Variants in SDK1 observed in about 807,000 individuals in gnomAD.
SDK1 encodes protein sidekick-1.
In SDK1, 157 loss-of-function variants were observed where a neutral mutation model predicts 245.5. The ratio of observed to expected loss-of-function variants is 0.64; its 90% CI spans 0.56 to 0.73. The LOEUF is 0.73. SDK1 is among the 30% of genes least tolerant of loss of function. The pLI is 0.00. For synonymous variants in SDK1, 1,647 were observed against 1,278.5 expected, an observed-to-expected ratio of 1.29 and a Z score of -6.15; for missense variants, 3,583 against 3,002.3, an observed-to-expected ratio of 1.19 and a Z score of -4.52.
chr7:4,047,669 T>A (rs1163535289), intron 17 of SDK1, among the ~76,000 whole-genome samples: 2 of 152,226 alleles, frequency 1.3e-5, no homozygotes, highest in African/African-American at 4.8e-5. Flanking sequence ...TGGGTGAATT[T>A]CAGAATTTCC....
At chr7:4,214,097 A>G (rs1784656486) in intron 38 of SDK1, among the ~76,000 whole-genome samples, 1 of 152,192 alleles carries the variant, frequency 6.6e-6, no homozygotes. Flanking sequence ...CAGAGCCACA[A>G]AGACATTTGC....
chr7:4,066,693 G>A (rs1779924111), intron 19 of SDK1, among the ~76,000 whole-genome samples: 1 of 152,176 alleles, frequency 6.6e-6, no homozygotes, highest in Non-Finnish European at 1.5e-5. Flanking sequence ...GACCTGCTAT[G>A]GGAACACTAA....
In SDK1 at chr7:4,090,102, G is replaced by A. The variant is rs1331922269; in HGVS notation, c.3324+10518G>A. The stretch of plus-strand genomic sequence containing the variant: ...GGGCACCTCCTGCTACACCTTGTTG[G>A]GTTTGACTTGGCCTTGGCATGTCCC... On this transcript the variant is annotated intron_variant, in intron 22 of 44. Transcript: ENST00000404826. Among the ~76,000 whole-genome samples, 2 of 152,128 alleles carry A rather than the reference G, an allele frequency of 1.3e-5. 1 individual carries two copies. Among genetic ancestry groups the A allele is most frequent in the Admixed American group, 1.3e-4 (2 of 15,272 alleles).
chr7:4,144,713 G>C (rs1584281293), intron 28 of SDK1, among the ~76,000 whole-genome samples: 1 of 152,152 alleles, frequency 6.6e-6, no homozygotes, highest in South Asian at 2.1e-4. Flanking sequence ...GGGGCAAGCA[G>C]CGTGGGGTCG....
chr7:3,955,643 G>T (rs1781202730), intron 7 of SDK1, among the ~76,000 whole-genome samples: 1 of 152,310 alleles, frequency 6.6e-6, no homozygotes, highest in South Asian at 2.1e-4. Flanking sequence ...GGAAGGAACA[G>T]GGAGGCAGCG....
chr7:4,134,585 C>CA (rs1778928209), intron 28 of SDK1, among the ~76,000 whole-genome samples: 1 of 152,202 alleles, frequency 6.6e-6, no homozygotes, highest in Non-Finnish European at 1.5e-5. Flanking sequence ...GAAACATTGA[C>CA]AGAGTCACAG....
rs112613359 is a variant in SDK1 at position 3,578,989 on chromosome 7, T to C, written c.299-40091T>C. ...GGTGTAAGAAATTATAAGAGTATTA[T>C]TAGGGAAGTGATAAATGTCCTTGAA... On this transcript the variant is annotated intron_variant, in intron 1 of 44. Transcript: ENST00000404826. Among the ~76,000 whole-genome samples the C allele has an allele frequency of 3.7e-4, 57 of 152,086 alleles. 2 individuals are homozygous for C. Among genetic ancestry groups the C allele is most frequent in the African/African-American group, 9.1e-4 (38 of 41,536 alleles).
chr7:3,930,088 G>A (rs959051592), intron 5 of SDK1, among the ~76,000 whole-genome samples: 2 of 152,206 alleles, frequency 1.3e-5, no homozygotes, highest in Non-Finnish European at 2.9e-5. Flanking sequence ...AAGGCGCTGA[G>A]GTGATGTATG....
intron 17 of SDK1, 147 bp downstream of exon 17, chr7:4,017,499 G>A: frequency 1.6e-6 from 1 of 623,276 alleles, no homozygotes; most frequent in Non-Finnish European, 2.7e-6. Flanking sequence ...GTATTTAATG[G>A]GATCTCTCCA....
At chr7:3,446,788 T>A (rs1214826608) in intron 1 of SDK1, among the ~76,000 whole-genome samples, 1 of 152,186 alleles carries the variant, frequency 6.6e-6, no homozygotes, top group African/African-American at 2.4e-5. Flanking sequence ...AGGGTATTGT[T>A]TTAGCTGCAA....
chr7:3,968,089 G>A (rs1462759163), intron 10 of SDK1, among the ~76,000 whole-genome samples: 1 of 152,240 alleles, frequency 6.6e-6, no homozygotes, highest in Non-Finnish European at 1.5e-5. Context: ...AAGTCACTCT[G>A]CTAGCACTCA....
intron 4 of SDK1, among the ~76,000 whole-genome samples, chr7:3,769,081 CTT>C (rs1259447626): frequency 9.2e-5 from 14 of 152,094 alleles, no homozygotes; most frequent in Admixed American, 9.2e-4. Flanking sequence ...TTAAATAAGA[CTT>C]TTTATTTGGA....
rs57770805 is a variant in SDK1, at chr7:3,319,878, C to CTTTTTTT, written c.298+18005_298+18011dup. On this transcript the variant is annotated intron_variant, in intron 1 of 44. Coordinates refer to ENST00000404826, the MANE Select transcript of SDK1 (RefSeq NM_152744.4). Reference sequence around the variant, plus strand: ...TGCCTATATCTAACCCATTCTTAGTCTTTTTTTTTTTTTTTTTGCATTTGC... The same window carrying CTTTTTTT: ...TGCCTATATCTAACCCATTCTTAGTCTTTTTTTTTTTTTTTTTTTTTTTTGCATTTGC... 9.7e-3 allele frequency among the ~76,000 whole-genome samples: 850 copies of CTTTTTTT among 87,974 alleles called. 88 individuals are homozygous for CTTTTTTT. The highest frequency in any genetic ancestry group is 0.023 in the African/African-American group (507 of 21,658). 57.7% of individuals were successfully genotyped at this position (87,974 alleles called of 152,430 possible). A position where few individuals can be genotyped will look rare whatever the true frequency, so the allele number is the denominator to read the frequency against.
At chr7:3,485,775 A>G (rs768679862) in intron 1 of SDK1, among the ~76,000 whole-genome samples, 7 of 139,878 alleles carry the variant, frequency 5.0e-5, no homozygotes, top group Non-Finnish European at 1.1e-4. Flanking sequence ...ATCTATATTC[A>G]TAAGTGCTAT....
In SDK1 at chr7:4,210,107, C is replaced by T; in HGVS notation, c.5484C>T (p.Ala1828=). The T allele has an allele frequency of 1.2e-6, 2 of 1,610,328 alleles. No homozygotes were observed. Among genetic ancestry groups the T allele is most frequent in the South Asian group, 2.2e-5 (2 of 90,488 alleles). Residue 1828 remains alanine, a synonymous_variant, in exon 38 of 45, where the codon GCC becomes GCT. Transcript: ENST00000404826. Reference sequence around the variant, plus strand: ...TGTCCTGGGGCGAGCCTGCGGCGGCCAACGGCATCCTGCAGGGCTATCGGG... The same window carrying T: ...TGTCCTGGGGCGAGCCTGCGGCGGCTAACGGCATCCTGCAGGGCTATCGGG... ...LNVSWGEPAA[A]NGILQGYRVV...
intron 1 of SDK1, among the ~76,000 whole-genome samples, chr7:3,349,414 G>T (rs1458281098): frequency 2.0e-5 from 3 of 151,968 alleles, no homozygotes; most frequent in Non-Finnish European, 4.4e-5. Flanking sequence ...GGAGGGAGGG[G>T]GTTACTGTTG....
At chr7:4,101,181 C>G (rs1272096402) in intron 22 of SDK1, among the ~76,000 whole-genome samples, 3 of 150,252 alleles carry the variant, frequency 2.0e-5, no homozygotes, top group African/African-American at 7.4e-5. Context: ...CGGAGTCTCG[C>G]TCTGTCACCC....
intron 1 of SDK1, among the ~76,000 whole-genome samples, chr7:3,417,858 A>G (rs1299599884): frequency 6.6e-6 from 1 of 152,166 alleles, no homozygotes; most frequent in African/African-American, 2.4e-5. Flanking sequence ...GGCAAGTGGA[A>G]TTCATTGGAT....
chr7:3,475,733 A>G (rs1182419239), intron 1 of SDK1, among the ~76,000 whole-genome samples: 1 of 152,234 alleles, frequency 6.6e-6, no homozygotes, highest in Non-Finnish European at 1.5e-5. Context: ...TTTATGAATC[A>G]TTGACTCAAA....
Sources: gnomAD v4.1 joint callset for allele counts (sites outside exome capture counted in the v4.1 genomes callset) on GRCh38, gnomAD v4.1.1 for gene constraint, MANE v1.5 for transcripts, NCBI Gene and HGNC (gene_info 2026-07-23, HGNC 2026-07-21) for gene names.